Variants in STXBP5 observed in about 807,000 individuals in gnomAD.
STXBP5 encodes the protein syntaxin-binding protein 5.
A neutral mutation model predicts 152.4 loss-of-function variants in STXBP5; 50 were observed. That is an observed-to-expected ratio of 0.33 (90% CI 0.26 to 0.42). STXBP5 has a LOEUF of 0.42. Ranked by LOEUF, STXBP5 falls within the 10% of genes least tolerant of loss-of-function variation. STXBP5 has a pLI of 1.00. For missense variants in STXBP5, 1,167 were observed against 1,388.6 expected, an observed-to-expected ratio of 0.84 and a Z score of 2.54; for synonymous variants, 492 against 494.7, an observed-to-expected ratio of 0.99 and a Z score of 0.07.
chr6:147,381,695 C>T (rs539891858), intron 26 of STXBP5, among the ~76,000 whole-genome samples: 2 of 152,250 alleles, frequency 1.3e-5, no homozygotes, highest in East Asian at 1.9e-4. Flanking sequence ...ACACGTTATT[C>T]ATCCATAATA....
At chr6:147,366,905 T>A (rs1297314752) in intron 25 of STXBP5, among the ~76,000 whole-genome samples, 3 of 152,126 alleles carry the variant, frequency 2.0e-5, no homozygotes, top group Admixed American at 2.0e-4. Flanking sequence ...AAAAACTATT[T>A]AGCACCCAGT....
chr6:147,270,299 C>T (rs941542331), intron 7 of STXBP5, among the ~76,000 whole-genome samples: 24 of 149,488 alleles, frequency 1.6e-4, no homozygotes, highest in Admixed American at 1.2e-3. Flanking sequence ...CTTGGGAGGC[C>T]GAGGCAGGAG....
In STXBP5 at chr6:147,353,301, A is replaced by T. The variant is rs767746783; in HGVS notation, c.2255-22A>T. 5.2e-6 allele frequency: 8 copies of T among 1,536,496 alleles called. No homozygotes were observed. The Middle Eastern group carries it at 5.2e-4, about 100-fold the overall frequency. ...TGAATCAAATATTCTTCAGAATTTT[A>T]AAAATGTCTTTTATTTTTCAGCAAA... On this transcript the variant is annotated intron_variant, in intron 21 of 27. Coordinates refer to ENST00000321680, the MANE Select transcript of STXBP5 (RefSeq NM_001127715.4).
chr6:147,242,003 C>A (rs1778569115), intron 4 of STXBP5, among the ~76,000 whole-genome samples: 1 of 151,792 alleles, frequency 6.6e-6, no homozygotes, highest in Non-Finnish European at 1.5e-5. Flanking sequence ...GCAGGTCCTT[C>A]AGGAAATATT....
chr6:147,271,895 A>C (rs957570855), intron 7 of STXBP5, among the ~76,000 whole-genome samples: 2 of 152,138 alleles, frequency 1.3e-5, no homozygotes, highest in Non-Finnish European at 2.9e-5. Flanking sequence ...TGAGGAAAAA[A>C]AAGACGCAGA....
intron 26 of STXBP5, among the ~76,000 whole-genome samples, chr6:147,382,488 C>T (rs1786137276): frequency 1.3e-5 from 2 of 151,966 alleles, no homozygotes; most frequent in South Asian, 4.2e-4. Context: ...TAACAATATA[C>T]CTTTATTTGT....
chr6:147,333,832 TTTTG>T (rs1193931761), intron 18 of STXBP5, among the ~76,000 whole-genome samples: 1 of 152,218 alleles, frequency 6.6e-6, no homozygotes, highest in East Asian at 1.9e-4. Context: ...CTTGATGTGT[TTTTG>T]TTTATTTATA....
chr6:147,250,510 A>G (rs1779030815), intron 4 of STXBP5, among the ~76,000 whole-genome samples: 1 of 152,202 alleles, frequency 6.6e-6, no homozygotes, highest in African/African-American at 2.4e-5. Context: ...TGTAGGTTAT[A>G]TGCAAATATT....
chr6:147,382,860 G>C lies in STXBP5; in HGVS notation c.3276G>C (p.Gly1092=), dbSNP rs772682588. ...CTGGTGGCATTGAAGGCGTAAAAGG[G>C]GCAGCATCTGGAGTTGTTGGTGAAT... is the stretch of plus-strand genomic sequence containing the variant. ...PGPGGIEGVK[G]AASGVVGELA... is the part of the protein sequence containing the mutation. Residue 1092 remains glycine, a synonymous_variant, in exon 27 of 28, where the codon GGG becomes GGC. Transcript: ENST00000321680. 3.7e-6 allele frequency: 6 copies of C among 1,613,482 alleles called. No homozygotes were observed. The South Asian group carries it at 4.4e-5, about 12-fold the overall frequency.
At chr6:147,355,577 G>A (rs920856097) in intron 22 of STXBP5, among the ~76,000 whole-genome samples, 1 of 152,082 alleles carries the variant, frequency 6.6e-6, no homozygotes, top group African/African-American at 2.4e-5. Context: ...ATGGCTGTCT[G>A]GAGTTGCCTA....
Position 147,325,058 on chromosome 6 carries a change from C to A in STXBP5, c.1902C>A (p.Ser634Arg). 6.4e-7 allele frequency: 1 copy of A among 1,571,198 alleles called. No homozygotes were observed. The highest frequency in any genetic ancestry group is 8.7e-7 in the Non-Finnish European group (1 of 1,155,542). Residue 634 changes from serine to arginine, a missense_variant, in exon 17 of 28, where the codon AGC (serine) becomes AGA (arginine). Ser to Arg is a moderately radical substitution (Grantham distance 110, BLOSUM62 -1). Transcript: ENST00000321680. ...VGGEPPQQIT[S>R]LAVNSSYGLV... is the part of the protein sequence containing the mutation. ...GAGAACCACCACAACAAATAACCAG[C>A]CTGGCAGTCAATTCTTCCTATGGAC...
intron 2 of STXBP5, among the ~76,000 whole-genome samples, chr6:147,225,856 A>T (rs184291044): frequency 6.6e-6 from 1 of 152,366 alleles, no homozygotes; most frequent in Non-Finnish European, 1.5e-5. Flanking sequence ...GTCATTGAAG[A>T]TAAAATGAAT....
intron 2 of STXBP5, among the ~76,000 whole-genome samples, chr6:147,209,518 A>G (rs1208571856): frequency 2.6e-5 from 4 of 151,930 alleles, no homozygotes; most frequent in Admixed American, 6.6e-5. Context: ...TTTCCTTACT[A>G]TAAAAATGAA....
chr6:147,235,392 C>G, intron 3 of STXBP5, 61 bp downstream of exon 3: 1 of 1,360,472 alleles, frequency 7.4e-7, no homozygotes, highest in Non-Finnish European at 1.0e-6. Context: ...TCTAGTCTTT[C>G]AGATTTCTTA....
intron 7 of STXBP5, among the ~76,000 whole-genome samples, chr6:147,269,060 T>C (rs961959630): frequency 6.6e-6 from 1 of 152,264 alleles, no homozygotes; most frequent in East Asian, 1.9e-4. Context: ...GAAAGAGAGT[T>C]GTAGAAGTCT....
chr6:147,289,111 G>A (rs1054335056), intron 8 of STXBP5, among the ~76,000 whole-genome samples: 3 of 152,194 alleles, frequency 2.0e-5, no homozygotes, highest in African/African-American at 7.2e-5. Flanking sequence ...TAACACTTTA[G>A]TGCAGCAGGT....
intron 21 of STXBP5, among the ~76,000 whole-genome samples, chr6:147,348,780 A>T (rs757649066): frequency 1.5e-4 from 23 of 152,124 alleles, no homozygotes; most frequent in Non-Finnish European, 3.1e-4. Context: ...GAAAATGCCT[A>T]ACTGATTCAT....
chr6:147,250,144 T>A (rs1779011221), intron 4 of STXBP5, among the ~76,000 whole-genome samples: 1 of 152,178 alleles, frequency 6.6e-6, no homozygotes, highest in South Asian at 2.1e-4. Context: ...CAGCTGCAAA[T>A]AAGTGGTAAC....
chr6:147,316,873 A>G (rs1782672111), intron 16 of STXBP5, among the ~76,000 whole-genome samples: 1 of 152,142 alleles, frequency 6.6e-6, no homozygotes, highest in African/African-American at 2.4e-5. Context: ...TGCATCCTAA[A>G]TTTAAATATA....
Sources: gnomAD v4.1 joint callset for allele counts (sites outside exome capture counted in the v4.1 genomes callset) on GRCh38, gnomAD v4.1.1 for gene constraint, MANE v1.5 for transcripts, NCBI Gene and HGNC (gene_info 2026-07-23, HGNC 2026-07-21) for gene names.